NPIPA1: variants seen among roughly 807,000 people sequenced by gnomAD.
NPIPA1 encodes the protein nuclear pore complex interacting protein family member A1, also known as nuclear pore complex-interacting protein family member A1.
For synonymous variants in NPIPA1, 7 were observed against 88.0 expected, an observed-to-expected ratio of 0.08 and a Z score of 5.15; for missense variants, 22 against 232.2, an observed-to-expected ratio of 0.09 and a Z score of 5.88.
chr16:14,942,682 AGT>A (rs1965778561), intron 2 of NPIPA1, among the ~76,000 whole-genome samples: 1 of 152,174 alleles, frequency 6.6e-6, no homozygotes, highest in African/African-American at 2.4e-5. Context: ...ATCAATGAAA[AGT>A]GTGTCTGGGC....
At chr16:14,941,222 G>A (rs1277424791) in intron 1 of NPIPA1, among the ~76,000 whole-genome samples, 4 of 149,898 alleles carry the variant, frequency 2.7e-5, no homozygotes, top group South Asian at 2.1e-4. Flanking sequence ...CAGATCGCCT[G>A]TCAGGAGTTC....
At chr16:14,943,580 C>T (rs1328475077) in intron 2 of NPIPA1, among the ~76,000 whole-genome samples, 3 of 148,854 alleles carry the variant, frequency 2.0e-5, no homozygotes, top group African/African-American at 7.4e-5. Flanking sequence ...TATACCATTA[C>T]CTCCTAAGCA....
At chr16:14,944,628 A>G (rs1275270536) in intron 2 of NPIPA1, among the ~76,000 whole-genome samples, 3 of 147,050 alleles carry the variant, frequency 2.0e-5, no homozygotes, top group African/African-American at 7.6e-5. Flanking sequence ...TTTTTTTGAG[A>G]CGGAGTCTCA....
intron 2 of NPIPA1, among the ~76,000 whole-genome samples, chr16:14,943,468 A>T (rs1965802618): frequency 6.8e-6 from 1 of 147,758 alleles, no homozygotes; most frequent in African/African-American, 2.5e-5. Flanking sequence ...GGAAGTTTTT[A>T]AATTTACCAC....
chr16:14,942,723 G>C (rs1453340090), intron 2 of NPIPA1, among the ~76,000 whole-genome samples: 1 of 152,238 alleles, frequency 6.6e-6, no homozygotes, highest in African/African-American at 2.4e-5. Flanking sequence ...ATCATTCAAA[G>C]TGCATGTTCC....
chr16:14,940,391 T>A (rs1256738470), intron 1 of NPIPA1, among the ~76,000 whole-genome samples: 1 of 152,308 alleles, frequency 6.6e-6, no homozygotes, highest in Admixed American at 6.5e-5. Context: ...TATACATCAA[T>A]TTAAAAAACA....
chr16:14,946,764 G>T (rs1412051525), intron 4 of NPIPA1, among the ~76,000 whole-genome samples: 2 of 143,182 alleles, frequency 1.4e-5, no homozygotes, highest in African/African-American at 5.2e-5. Flanking sequence ...GCATGATCTT[G>T]GCTCACTGCA....
intron 1 of NPIPA1, among the ~76,000 whole-genome samples, chr16:14,937,935 C>T (rs1425424157): frequency 4.8e-5 from 7 of 146,996 alleles, no homozygotes; most frequent in East Asian, 2.5e-4. Context: ...TGATCTTCTC[C>T]GTGACCTGTA....
At chr16:14,947,162 T>C (rs1239624127) in intron 4 of NPIPA1, among the ~76,000 whole-genome samples, 1 of 152,278 alleles carries the variant, frequency 6.6e-6, no homozygotes, top group African/African-American at 2.4e-5. Context: ...TTCACAGTCT[T>C]TCATGTTTTG....
At chr16:14,944,070 A>C (rs1468308751) in intron 2 of NPIPA1, among the ~76,000 whole-genome samples, 1 of 152,104 alleles carries the variant, frequency 6.6e-6, no homozygotes, top group Non-Finnish European at 1.5e-5. Context: ...AATCGCTTGA[A>C]TCTGGGAGGT....
At chr16:14,943,922 G>T (rs1282187381) in intron 2 of NPIPA1, among the ~76,000 whole-genome samples, 1 of 152,016 alleles carries the variant, frequency 6.6e-6, no homozygotes, top group Non-Finnish European at 1.5e-5. Context: ...GCTGAGGCAG[G>T]TGGATCACTT....
intron 2 of NPIPA1, among the ~76,000 whole-genome samples, chr16:14,943,445 C>T (rs1230489225): frequency 1.4e-5 from 2 of 148,058 alleles, no homozygotes; most frequent in African/African-American, 5.0e-5. Flanking sequence ...CGTGAGCCAC[C>T]ACGTGAGCCA....
chr16:14,943,733 G>A (rs1195819238), intron 2 of NPIPA1, among the ~76,000 whole-genome samples: 12 of 151,700 alleles, frequency 7.9e-5, no homozygotes, highest in South Asian at 6.3e-4. Flanking sequence ...TGGGATAGAC[G>A]TGGTTGCTCT....
At chr16:14,949,584 T>G in intron 5 of NPIPA1, 1 of 631,602 alleles carries the variant, frequency 1.6e-6, no homozygotes, top group South Asian at 1.9e-5. Flanking sequence ...ACTGTACAGT[T>G]TTTTTGTTTT....
rs1181690967 is a variant in NPIPA1, at chr16:14,938,166, C to T, written c.63+661C>T. Reference sequence around the variant, plus strand: ...CTTCCCTCCCCCCTGCCCTAAGCCACCTCCACCTCTGTCCTGGCCACCTCC... The same window carrying T: ...CTTCCCTCCCCCCTGCCCTAAGCCATCTCCACCTCTGTCCTGGCCACCTCC... On this transcript the variant is annotated intron_variant, in intron 1 of 7. Transcript: ENST00000328085. The T allele has an allele frequency of 4.8e-6, 7 of 1,461,224 alleles. No individual in the cohort carries two copies. In the East Asian group the frequency reaches 1.5e-4, roughly 32 times the overall value. 90.5% of individuals were successfully genotyped at this position (1,461,224 alleles called of 1,614,324 possible). A position where few individuals can be genotyped will look rare whatever the true frequency, so the allele number is the denominator to read the frequency against.
intron 1 of NPIPA1, among the ~76,000 whole-genome samples, chr16:14,941,338 G>A (rs1965748398): frequency 7.2e-6 from 1 of 139,382 alleles, no homozygotes; most frequent in Non-Finnish European, 1.5e-5. Context: ...GGGAGGCTGA[G>A]GCAGGAGAAT....
intron 4 of NPIPA1, among the ~76,000 whole-genome samples, chr16:14,947,018 G>A (rs1597177594): frequency 2.0e-5 from 3 of 151,834 alleles, no homozygotes; most frequent in South Asian, 2.1e-4. Context: ...TAGTAGAGAC[G>A]GGTTCACCAT....
intron 2 of NPIPA1, among the ~76,000 whole-genome samples, chr16:14,943,479 T>G (rs1965802880): frequency 6.7e-6 from 1 of 148,158 alleles, no homozygotes. Context: ...AATTTACCAC[T>G]TTTTAACAAT....
At chr16:14,947,201 A>G (rs1247115575) in intron 4 of NPIPA1, among the ~76,000 whole-genome samples, 1 of 152,266 alleles carries the variant, frequency 6.6e-6, no homozygotes, top group Admixed American at 6.5e-5. Flanking sequence ...TTGCTGCCAT[A>G]TGACTGATCT....
Sources: allele counts gnomAD v4.1 joint callset (sites outside exome capture counted in the v4.1 genomes callset), GRCh38; gene constraint gnomAD v4.1.1; transcripts MANE v1.5; gene names NCBI Gene and HGNC (gene_info 2026-07-23, HGNC 2026-07-21).